The following KLHL36 variants were observed in gnomAD, a reference collection of about 807,000 sequenced individuals.
The protein encoded by KLHL36 is kelch like family member 36.
A neutral mutation model predicts 53.3 loss-of-function variants in KLHL36; 35 were observed. The ratio of observed to expected loss-of-function variants is 0.66; its 90% CI spans 0.50 to 0.87. The LOEUF (loss-of-function observed/expected upper bound fraction) is 0.87, where lower values mean the gene tolerates loss of function less well. Ranked by LOEUF, KLHL36 falls within the 40% of genes least tolerant of loss-of-function variation. The pLI, the probability that KLHL36 is intolerant of heterozygous loss-of-function variation, is 0.00. For missense variants in KLHL36, 864 were observed against 897.6 expected (o/e 0.96, Z 0.48); for synonymous variants, 472 against 398.9 (o/e 1.18, Z -2.18).
rs765172870 is a variant in KLHL36, at chr16:84,661,808, A to G, written c.1526A>G (p.Glu509Gly). ...GGSDDNIESM[E>G]RFDVLGVEAY... The stretch of plus-strand genomic sequence containing the variant: ...AGCGATGACAACATCGAGTCCATGG[A>G]GCGCTTCGACGTGCTGGGCGTGGAG... Residue 509 changes from glutamate to glycine, a missense_variant, in exon 5 of 5, where the codon GAG becomes GGG. Transcript: ENST00000564996. The surrounding 1 kb of genome is among the most constrained non-coding windows in gnomAD (Gnocchi z 7.9). The G allele has an allele frequency of 6.2e-7, 1 of 1,610,684 alleles. No homozygotes were observed. Among genetic ancestry groups the G allele is most frequent in the South Asian group, 1.1e-5 (1 of 90,994 alleles).
rs1266599271 is a variant in KLHL36, at chr16:84,663,441, G to C, written c.*1308G>C. The C allele has an allele frequency of 6.6e-6, 1 of 152,206 alleles. No homozygotes were observed. Among genetic ancestry groups the C allele is most frequent in the Admixed American group, 6.5e-5 (1 of 15,280 alleles). The allele number at this position is 152,206 out of a possible 1,614,324, so 9.4% of individuals were successfully genotyped here. On this transcript the variant is annotated 3_prime_UTR_variant, in exon 5 of 5. Coordinates refer to ENST00000564996, the MANE Select transcript of KLHL36 (RefSeq NM_024731.4). ...CCTTTAAGAGGGCTCTTAGCTGCCC[G>C]AGTGGATGAGAAACGTGCAGAACTA...
intron 1 of KLHL36, chr16:84,649,195 C>T (rs1296305627): frequency 6.6e-6 from 1 of 152,352 alleles, no homozygotes. Context: ...GTGGCCTTGA[C>T]CCTTCACCTG....
intron 2 of KLHL36, among the ~76,000 whole-genome samples, chr16:84,655,438 G>A (rs1357535882): frequency 6.6e-6 from 1 of 152,148 alleles, no homozygotes; most frequent in Non-Finnish European, 1.5e-5. Context: ...TCAGACAGGC[G>A]TGGTAGCGTG....
rs1252183285 is a variant in KLHL36, at chr16:84,665,528, G to GT, written c.*3396dup. ...ATCAACTGTGGTTAGCACGCAATTG[G>GT]TATTTTTATTGTTCTGCCATTTTAT... On this transcript the variant is annotated 3_prime_UTR_variant, in exon 5 of 5. Transcript: ENST00000564996. 6.6e-6 allele frequency: 1 copy of GT among 152,158 alleles called. No individual in the cohort carries two copies. The highest frequency in any genetic ancestry group is 1.5e-5 in the Non-Finnish European group (1 of 68,022). 9.4% of individuals were successfully genotyped at this position (152,158 alleles called of 1,614,324 possible).
rs1169172002 is a variant in KLHL36, at chr16:84,662,810, G to A, written c.*677G>A. On this transcript the variant is annotated 3_prime_UTR_variant, in exon 5 of 5. Transcript: ENST00000564996. ...ACTTCCCGCTGGGGAGCTGTTCTCC[G>A]TATCAGGTGAACGCTGTTTCTGAAT... 2.6e-5 allele frequency: 4 copies of A among 152,216 alleles called. No individual in the cohort carries two copies. Among genetic ancestry groups the A allele is most frequent in the South Asian group, 2.1e-4 (1 of 4,838 alleles). 9.4% of individuals were successfully genotyped at this position (152,216 alleles called of 1,614,324 possible).
chr16:84,653,169 A>T (rs932887322), intron 2 of KLHL36, among the ~76,000 whole-genome samples: 2 of 151,994 alleles, frequency 1.3e-5, no homozygotes, highest in African/African-American at 4.8e-5. Flanking sequence ...GTGAGCTATG[A>T]TCGCACCACT....
In KLHL36 at chr16:84,657,572, G is replaced by T. The variant is rs150196812; in HGVS notation, c.765G>T (p.Ser255=). Residue 255 remains serine, a synonymous_variant, in exon 3 of 5, where the codon TCG becomes TCT. Coordinates refer to ENST00000564996, the MANE Select transcript of KLHL36 (RefSeq NM_024731.4). ...LLHRVKPAVC[S]LLPKEANCEG... is the part of the protein sequence containing the mutation. ...ACCGCGTCAAGCCGGCCGTGTGCTCGCTGCTGCCCAAGGAGGCCAACTGCG... is the reference window on the plus strand; with the variant it reads ...ACCGCGTCAAGCCGGCCGTGTGCTCTCTGCTGCCCAAGGAGGCCAACTGCG... 2.6e-5 allele frequency: 42 copies of T among 1,610,840 alleles called. No homozygotes were observed. The African/African-American group carries it at 4.1e-4, about 16-fold the overall frequency.
Position 84,657,034 on chromosome 16 carries a change from C to T in KLHL36, c.227C>T (p.Thr76Ile). 6.2e-7 allele frequency: 1 copy of T among 1,614,182 alleles called. No homozygotes were observed. The highest frequency in any genetic ancestry group is 8.5e-7 in the Non-Finnish European group (1 of 1,180,040). ...AGCGACTACTTCAACTCCATGTTCACCATCGGCATGCGGGAAGCTTTCCAG... is the reference window on the plus strand; with the variant it reads ...AGCGACTACTTCAACTCCATGTTCATCATCGGCATGCGGGAAGCTTTCCAG... ...VCSDYFNSMF[T>I]IGMREAFQKE... The change falls in exon 3 of 5, where the codon ACC (threonine) becomes ATC (isoleucine). Residue 76 changes from threonine (T) to isoleucine (I), a missense_variant. Thr to Ile is a moderately conservative substitution (Grantham distance 89). Transcript: ENST00000564996.
At chr16:84,656,742 C>T (rs778546562) in intron 2 of KLHL36, 129 bp from the exon 3 acceptor site, 14 of 699,574 alleles carry the variant, frequency 2.0e-5, no homozygotes, top group Non-Finnish European at 3.4e-5. Context: ...CTGCAGTGCC[C>T]TCTGATGCAG....
Position 84,657,800 on chromosome 16 carries a change from G to C in KLHL36, c.993G>C (p.Leu331=), listed in dbSNP as rs1293827153. Reference sequence around the variant, plus strand: ...AGCAGTGGGTCAAAGAGACGCCGCTGCCCGCCCGGCGGAGCCACCACTGTG... The same window carrying C: ...AGCAGTGGGTCAAAGAGACGCCGCTCCCCGCCCGGCGGAGCCACCACTGTG... The part of the protein sequence containing the change: ...KSEQWVKETP[L]PARRSHHCVA... The change falls in exon 3 of 5, where the codon CTG becomes CTC. Residue 331 remains leucine (L), a synonymous_variant. Coordinates refer to ENST00000564996, the MANE Select transcript of KLHL36 (RefSeq NM_024731.4). 2 of 1,606,012 alleles carry C rather than the reference G, an allele frequency of 1.2e-6. No individual in the cohort carries two copies. The highest frequency in any genetic ancestry group is 1.7e-6 in the Non-Finnish European group (2 of 1,175,004).
chr16:84,654,217 A>G (rs1050292534), intron 2 of KLHL36, among the ~76,000 whole-genome samples: 4 of 152,192 alleles, frequency 2.6e-5, no homozygotes, highest in Non-Finnish European at 4.4e-5. Flanking sequence ...ATGCCCTCAT[A>G]TGCGTCTCTC....
In KLHL36 at chr16:84,662,163, A is replaced by C. The variant is rs1907600707; in HGVS notation, c.*30A>C. On this transcript the variant is annotated 3_prime_UTR_variant, in exon 5 of 5. Transcript: ENST00000564996. Reference sequence around the variant, plus strand: ...AGCTGCGCCTCTTGGGACCATCCTCACCGTCACCTCCCAGGGCTCTGTAGA... The same window carrying C: ...AGCTGCGCCTCTTGGGACCATCCTCCCCGTCACCTCCCAGGGCTCTGTAGA... The C allele has an allele frequency of 1.4e-6, 2 of 1,476,414 alleles. No homozygotes were observed. The highest frequency in any genetic ancestry group is 1.8e-6 in the Non-Finnish European group (2 of 1,107,440). The allele number at this position is 1,476,414 out of a possible 1,614,324, so 91.5% of individuals were successfully genotyped here.
rs761955219 is a variant in KLHL36 at position 84,657,202 on chromosome 16, T to C, written c.395T>C (p.Val132Ala). The change falls in exon 3 of 5, where the codon GTA becomes GCA. Residue 132 changes from valine (V) to alanine (A), a missense_variant. Coordinates refer to ENST00000564996, the MANE Select transcript of KLHL36 (RefSeq NM_024731.4). Reference sequence around the variant, plus strand: ...CACCTGCTGCAGATCTGGACGGTGGTAGACTTCTGCTGTGAGTACCTGGAG... The same window carrying C: ...CACCTGCTGCAGATCTGGACGGTGGCAGACTTCTGCTGTGAGTACCTGGAG... ...TAHLLQIWTV[V>A]DFCCEYLEQE... 6.2e-7 allele frequency: 1 copy of C among 1,614,172 alleles called. No homozygotes were observed. Among genetic ancestry groups the C allele is most frequent in the Admixed American group, 1.7e-5 (1 of 60,024 alleles).
In KLHL36 at chr16:84,656,890, A is replaced by G; in HGVS notation, c.83A>G (p.His28Arg). 2 of 1,609,258 alleles carry G rather than the reference A, an allele frequency of 1.2e-6. No individual in the cohort carries two copies. The highest frequency in any genetic ancestry group is 1.3e-5 in the African/African-American group (1 of 74,960). Residue 28 changes from histidine to arginine, a missense_variant, in exon 3 of 5, where the codon CAC becomes CGC. Coordinates refer to ENST00000564996, the MANE Select transcript of KLHL36 (RefSeq NM_024731.4). ...ESSKVYRWAD[H>R]SSTVLQRLNE... ...GTCCAGGTATACCGCTGGGCCGACC[A>G]CTCAAGCACGGTGCTGCAGCGGCTG...
chr16:84,660,101 G>T (rs537479987), intron 4 of KLHL36, among the ~76,000 whole-genome samples, 184 bp downstream of exon 4: 1 of 152,126 alleles, frequency 6.6e-6, no homozygotes, highest in Non-Finnish European at 1.5e-5. Flanking sequence ...TCCGGGCTCC[G>T]GTTTCAGACT....
At position 84,657,299 on chromosome 16, in the gene KLHL36, T is replaced by A; in HGVS notation, c.492T>A (p.Asp164Glu). Reference protein sequence around the residue: ...LASIYSLKRLDAFIDGFILNH... With the variant: ...LASIYSLKRLEAFIDGFILNH... Reference sequence around the variant, plus strand: ...CCATCTACAGCCTCAAGCGGCTTGATGCCTTCATCGATGGCTTCATCCTGA... The same window carrying A: ...CCATCTACAGCCTCAAGCGGCTTGAAGCCTTCATCGATGGCTTCATCCTGA... Residue 164 changes from aspartate (D) to glutamate (E), a missense_variant, in exon 3 of 5, where the codon GAT becomes GAA. By Grantham distance (45) the Asp-to-Glu change is conservative (BLOSUM62 2). Transcript: ENST00000564996. 1 of 1,613,994 alleles carries A rather than the reference T, an allele frequency of 6.2e-7. No homozygotes were observed. Among genetic ancestry groups the A allele is most frequent in the Middle Eastern group, 1.7e-4 (1 of 6,060 alleles).
intron 1 of KLHL36, 45 bp from the exon 2 acceptor site, chr16:84,650,807 C>T: frequency 7.2e-7 from 1 of 1,387,058 alleles, no homozygotes; most frequent in Non-Finnish European, 1.0e-6. Flanking sequence ...TAATGAATGA[C>T]CTAGAGTTAT....
At chr16:84,659,647 C>G in intron 3 of KLHL36, 113 bp from the exon 4 acceptor site, 1 of 1,144,390 alleles carries the variant, frequency 8.7e-7, no homozygotes, top group Non-Finnish European at 1.3e-6. Flanking sequence ...TTCCCTTTCC[C>G]AAACATTCTC....
chr16:84,658,095 G>C, intron 3 of KLHL36, 151 bp downstream of exon 3: 1 of 641,518 alleles, frequency 1.6e-6, no homozygotes, highest in Non-Finnish European at 2.5e-6. Flanking sequence ...AATACCCCGG[G>C]GCCTACATCC....
Sources: gnomAD v4.1 joint callset for allele counts (sites outside exome capture counted in the v4.1 genomes callset) on GRCh38, gnomAD v4.1.1 for gene constraint, Gnocchi (gnomAD v3.1) non-coding constraint, MANE v1.5 for transcripts, NCBI Gene and HGNC (gene_info 2026-07-23, HGNC 2026-07-21) for gene names.